Variants in MED29 observed in about 807,000 individuals in gnomAD.
The protein encoded by MED29 is mediator complex subunit 29.
MED29 carries 14 observed loss-of-function variants against 22.0 expected under a neutral mutation model. The observed-to-expected ratio is 0.64, with a 90% CI of 0.42 to 0.99. The LOEUF (loss-of-function observed/expected upper bound fraction) is 0.99. Ranked by LOEUF, MED29 falls within the 50% of genes least tolerant of loss-of-function variation. The pLI is 0.00. For missense variants in MED29, 241 were observed against 253.7 expected (o/e 0.95, Z 0.34); for synonymous variants, 123 against 107.8 (o/e 1.14, Z -0.87).
rs1256552950 is a variant in MED29 at position 39,391,399 on chromosome 19, C to G, written c.-24C>G. The G allele has an allele frequency of 1.9e-6, 3 of 1,607,720 alleles. No individual in the cohort carries two copies. The East Asian group carries it at 6.7e-5, about 36-fold the overall frequency. ...CGGGGAGAGACGCAGTCGTAACGCACTTCCGGCGGTCTACGCGAGGAAGAT... is the reference window on the plus strand; with the variant it reads ...CGGGGAGAGACGCAGTCGTAACGCAGTTCCGGCGGTCTACGCGAGGAAGAT... On this transcript the variant is annotated 5_prime_UTR_variant, in exon 1 of 4. Coordinates refer to ENST00000315588, the MANE Select transcript of MED29 (RefSeq NM_017592.4).
At position 39,397,870 on chromosome 19, in the gene MED29, C is replaced by T. The variant is rs1206230816; in HGVS notation, c.*171C>T. On this transcript the variant is annotated 3_prime_UTR_variant, in exon 4 of 4. Transcript: ENST00000315588. ...AGGGAGCTCGCAGGCCGGGCCCCTGCGTCCCTGCCCCTTCTTCCTGCTCCC... is the reference window on the plus strand; with the variant it reads ...AGGGAGCTCGCAGGCCGGGCCCCTGTGTCCCTGCCCCTTCTTCCTGCTCCC... 4.6e-6 allele frequency: 5 copies of T among 1,091,422 alleles called. No homozygotes were observed. Among genetic ancestry groups the T allele is most frequent in the South Asian group, 1.6e-5 (1 of 61,278 alleles). The allele number at this position is 1,091,422 out of a possible 1,614,324, so 67.6% of individuals were successfully genotyped here.
At position 39,397,196 on chromosome 19, in the gene MED29, T is replaced by TA. The variant is rs368747742; in HGVS notation, c.361-260dup. Among the ~76,000 whole-genome samples the TA allele has an allele frequency of 2.0e-3, 300 of 152,320 alleles. 2 individuals are homozygous for TA. Among genetic ancestry groups the TA allele is most frequent in the South Asian group, 0.013 (65 of 4,832 alleles). Reference sequence around the variant, plus strand: ...TGCCAGGACCCGTGCCTGTGTCTCATACACCTGCTCTCACTGTTCTCACCT... The same window carrying TA: ...TGCCAGGACCCGTGCCTGTGTCTCATAACACCTGCTCTCACTGTTCTCACCT... On this transcript the variant is annotated intron_variant, in intron 3 of 3. Transcript: ENST00000315588.
At chr19:39,393,241 G>A (rs7252181) in intron 2 of MED29, among the ~76,000 whole-genome samples, 3,370 of 151,390 alleles carry the variant, frequency 0.022, 52 homozygotes, top group African/African-American at 0.041. Flanking sequence ...GACTACAGGC[G>A]CGTGCCAGCA....
intron 2 of MED29, 67 bp downstream of exon 2, chr19:39,392,589 C>A: frequency 2.9e-6 from 4 of 1,365,158 alleles, no homozygotes; most frequent in Non-Finnish European, 4.2e-6. Context: ...ATCTTTCCTT[C>A]TCCTGCTCCC....
chr19:39,395,038 G>C (rs2078420893), intron 3 of MED29, among the ~76,000 whole-genome samples: 1 of 151,992 alleles, frequency 6.6e-6, no homozygotes, highest in Non-Finnish European at 1.5e-5. Context: ...ATTTTTTGTA[G>C]AGACGGGGTT....
Position 39,397,927 on chromosome 19 carries a change from T to C in MED29, c.*228T>C, listed in dbSNP as rs1360280605. On this transcript the variant is annotated 3_prime_UTR_variant, in exon 4 of 4. Transcript: ENST00000315588. ...AGCCTAGGGTAGACTTTGAACTGTG[T>C]GTGTTGATGACTTCTCTGTTCCACA... 2.9e-6 allele frequency: 2 copies of C among 683,296 alleles called. No homozygotes were observed. The highest frequency in any genetic ancestry group is 1.8e-5 in the African/African-American group (1 of 55,386). 42.3% of individuals were successfully genotyped at this position (683,296 alleles called of 1,614,324 possible). A position where few individuals can be genotyped will look rare whatever the true frequency, so the allele number is the denominator to read the frequency against.
chr19:39,397,430 G>C (rs761139595), intron 3 of MED29, 27 bp from the exon 4 acceptor site: 2 of 1,593,586 alleles, frequency 1.3e-6, no homozygotes, highest in Non-Finnish European at 1.7e-6. Flanking sequence ...TGGAGCTGAT[G>C]CTGTCCCCTT....
intron 2 of MED29, 101 bp downstream of exon 2, chr19:39,392,623 A>AAT: frequency 1.4e-4 from 89 of 618,874 alleles, no homozygotes; most frequent in Non-Finnish European, 1.8e-4. Flanking sequence ...TTCTATATTT[A>AAT]CTTTTTTTTT....
At chr19:39,392,400 A>G in intron 1 of MED29, 64 bp from the exon 2 acceptor site, 3 of 1,402,352 alleles carry the variant, frequency 2.1e-6, no homozygotes, top group Non-Finnish European at 3.0e-6. Context: ...AAGAGTGTAG[A>G]TCTGCCAGAG....
Position 39,399,760 on chromosome 19 carries a change from T to A in MED29, c.*2061T>A, listed in dbSNP as rs2078451609. 1 of 152,246 alleles carries A rather than the reference T, an allele frequency of 6.6e-6. No homozygotes were observed. The highest frequency in any genetic ancestry group is 2.1e-4 in the South Asian group (1 of 4,838). The allele number at this position is 152,246 out of a possible 1,614,324, so 9.4% of individuals were successfully genotyped here. A position where few individuals can be genotyped will look rare whatever the true frequency, so the allele number is the denominator to read the frequency against. The stretch of plus-strand genomic sequence containing the variant: ...GAGCGCACACACAAGACTGAGGGAC[T>A]GTCGGCCCTCCCAGGTGGTGTCAAC... On this transcript the variant is annotated 3_prime_UTR_variant, in exon 4 of 4. Coordinates refer to ENST00000315588, the MANE Select transcript of MED29 (RefSeq NM_017592.4).
In MED29 at chr19:39,391,496, G is replaced by A; in HGVS notation, c.74G>A (p.Gly25Asp). The change falls in exon 1 of 4, where the codon GGC becomes GAC. Residue 25 changes from glycine to aspartate, a missense_variant. Gly to Asp is a moderately conservative substitution (Grantham distance 94). Transcript: ENST00000315588. Reference protein sequence around the residue: ...AGVSGPSSAGGPGPQQQPQPP... With the variant: ...AGVSGPSSAGDPGPQQQPQPP... The stretch of plus-strand genomic sequence containing the variant: ...GTATCGGGTCCTAGTTCGGCTGGCG[G>A]CCCGGGTCCCCAGCAGCAGCCGCAA... 2 of 1,612,724 alleles carry A rather than the reference G, an allele frequency of 1.2e-6. No homozygotes were observed. The highest frequency in any genetic ancestry group is 2.2e-5 in the East Asian group (1 of 44,884).
At position 39,393,607 on chromosome 19, in the gene MED29, T is replaced by C; in HGVS notation, c.330T>C (p.Tyr110=). The C allele has an allele frequency of 1.2e-6, 2 of 1,614,190 alleles. No homozygotes were observed. The highest frequency in any genetic ancestry group is 1.1e-5 in the South Asian group (1 of 91,086). The change falls in exon 3 of 4, where the codon TAT becomes TAC. Residue 110 remains tyrosine, a synonymous_variant. Transcript: ENST00000315588. ...QRFDKCLEEF[Y]ALCDQLELCL... is the part of the protein sequence containing the mutation. The stretch of plus-strand genomic sequence containing the variant: ...TTGACAAGTGCCTGGAAGAGTTCTA[T>C]GCACTCTGTGACCAGCTGGAGCTGT...
At chr19:39,393,380 G>C (rs1286023088) in intron 2 of MED29, among the ~76,000 whole-genome samples, 173 bp from the exon 3 acceptor site, 1 of 152,060 alleles carries the variant, frequency 6.6e-6, no homozygotes, top group East Asian at 1.9e-4. Context: ...ACAGGCGTGA[G>C]CCACCGTGCC....
In MED29 at chr19:39,391,398, A is replaced by T; in HGVS notation, c.-25A>T. On this transcript the variant is annotated 5_prime_UTR_variant, in exon 1 of 4. Transcript: ENST00000315588. ...ACGGGGAGAGACGCAGTCGTAACGC[A>T]CTTCCGGCGGTCTACGCGAGGAAGA... is the stretch of plus-strand genomic sequence containing the variant. 4 of 1,607,464 alleles carry T rather than the reference A, an allele frequency of 2.5e-6. No homozygotes were observed. Among genetic ancestry groups the T allele is most frequent in the Non-Finnish European group, 3.4e-6 (4 of 1,174,682 alleles).
chr19:39,397,870 C>A lies in MED29; in HGVS notation c.*171C>A. 4 of 1,091,424 alleles carry A rather than the reference C, an allele frequency of 3.7e-6. No individual in the cohort carries two copies. Among genetic ancestry groups the A allele is most frequent in the Non-Finnish European group, 5.1e-6 (4 of 782,104 alleles). 67.6% of individuals were successfully genotyped at this position (1,091,424 alleles called of 1,614,324 possible). On this transcript the variant is annotated 3_prime_UTR_variant, in exon 4 of 4. Transcript: ENST00000315588. Reference sequence around the variant, plus strand: ...AGGGAGCTCGCAGGCCGGGCCCCTGCGTCCCTGCCCCTTCTTCCTGCTCCC... The same window carrying A: ...AGGGAGCTCGCAGGCCGGGCCCCTGAGTCCCTGCCCCTTCTTCCTGCTCCC...
Position 39,391,550 on chromosome 19 carries a change from A to T in MED29, c.128A>T (p.Gln43Leu). Residue 43 changes from glutamine to leucine, a missense_variant, in exon 1 of 4, where the codon CAG (glutamine) becomes CTG (leucine). Coordinates refer to ENST00000315588, the MANE Select transcript of MED29 (RefSeq NM_017592.4). ...QPPAQLVGPA[Q>L]SGLLQQQQQD... Reference sequence around the variant, plus strand: ...CCAGCACAACTGGTGGGCCCTGCCCAGAGCGGCCTCCTGCAGCAACAGCAA... The same window carrying T: ...CCAGCACAACTGGTGGGCCCTGCCCTGAGCGGCCTCCTGCAGCAACAGCAA... 6.2e-7 allele frequency: 1 copy of T among 1,613,730 alleles called. No individual in the cohort carries two copies. The highest frequency in any genetic ancestry group is 8.5e-7 in the Non-Finnish European group (1 of 1,179,942).
intron 3 of MED29, among the ~76,000 whole-genome samples, chr19:39,393,924 G>A (rs1172421143): frequency 6.6e-6 from 1 of 152,242 alleles, no homozygotes; most frequent in Non-Finnish European, 1.5e-5. Flanking sequence ...AGGAGGCACA[G>A]GCAGAGGGAT....
rs1482082763 is a variant in MED29, at chr19:39,398,057, C to T, written c.*358C>T. The stretch of plus-strand genomic sequence containing the variant: ...GAGGTGGTCTCTGTGTGCCACTCCT[C>T]TGTGTCTCTATTACAGTTGTGTCTC... On this transcript the variant is annotated 3_prime_UTR_variant, in exon 4 of 4. Transcript: ENST00000315588. 2.0e-6 allele frequency: 1 copy of T among 502,888 alleles called. No individual in the cohort carries two copies. Among genetic ancestry groups the T allele is most frequent in the Admixed American group, 3.5e-5 (1 of 28,458 alleles). 31.2% of individuals were successfully genotyped at this position (502,888 alleles called of 1,614,324 possible). A position where few individuals can be genotyped will look rare whatever the true frequency, so the allele number is the denominator to read the frequency against.
rs1284713196 is a variant in MED29 at position 39,398,869 on chromosome 19, C to T, written c.*1170C>T. 6.6e-6 allele frequency: 1 copy of T among 152,226 alleles called. No individual in the cohort carries two copies. Among genetic ancestry groups the T allele is most frequent in the Non-Finnish European group, 1.5e-5 (1 of 68,052 alleles). The allele number at this position is 152,226 out of a possible 1,614,324, so 9.4% of individuals were successfully genotyped here. Reference sequence around the variant, plus strand: ...CTGGACCCCACGTCTGCAAGGAAACCCTAGGACCATGGATACCTCTGTGAT... The same window carrying T: ...CTGGACCCCACGTCTGCAAGGAAACTCTAGGACCATGGATACCTCTGTGAT... On this transcript the variant is annotated 3_prime_UTR_variant, in exon 4 of 4. Transcript: ENST00000315588.
Sources: allele counts gnomAD v4.1 joint callset (sites outside exome capture counted in the v4.1 genomes callset), GRCh38; gene constraint gnomAD v4.1.1; transcripts MANE v1.5; gene names NCBI Gene and HGNC (gene_info 2026-07-23, HGNC 2026-07-21).